Variants in CORO1C observed in about 807,000 individuals in gnomAD.
The protein encoded by CORO1C is coronin-1C.
CORO1C carries 14 observed loss-of-function variants against 51.2 expected under a neutral mutation model. That is an observed-to-expected ratio of 0.27 (90% confidence interval 0.18 to 0.43). CORO1C has a LOEUF of 0.43. Among genes scored for constraint, CORO1C ranks in the 20% least tolerant of loss-of-function variants. The probability of loss-of-function intolerance (pLI) is 1.00; values close to 1 mark genes in which losing one functional copy is unlikely to be tolerated. For synonymous variants in CORO1C, 181 were observed against 210.5 expected, an observed-to-expected ratio of 0.86 and a Z score of 1.21; for missense variants, 417 against 607.8, an observed-to-expected ratio of 0.69 and a Z score of 3.30.
chr12:108,693,868 C>T (rs553568010), intron 2 of CORO1C, among the ~76,000 whole-genome samples: 4 of 152,250 alleles, frequency 2.6e-5, no homozygotes, highest in Admixed American at 6.5e-5. Flanking sequence ...GAATTCAAAC[C>T]GAACCTTCTC....
intron 2 of CORO1C, among the ~76,000 whole-genome samples, chr12:108,679,170 T>TAAA (rs35452794): frequency 1.9e-5 from 2 of 106,738 alleles, no homozygotes; most frequent in Non-Finnish European, 3.7e-5. Flanking sequence ...TTTAAAAAGT[T>TAAA]AAAAAAAAAA....
chr12:108,669,622 T>C (rs2033635354), intron 3 of CORO1C, among the ~76,000 whole-genome samples: 2 of 133,154 alleles, frequency 1.5e-5, no homozygotes, highest in East Asian at 4.5e-4. Flanking sequence ...TTGTAGCTCA[T>C]GAGCTACTAC....
chr12:108,722,535 C>A (rs2035496277), intron 1 of CORO1C, among the ~76,000 whole-genome samples: 1 of 152,194 alleles, frequency 6.6e-6, no homozygotes, highest in South Asian at 2.1e-4. Context: ...ATTCCACTAT[C>A]ACCATAAACA....
chr12:108,721,771 C>T (rs951545320), intron 1 of CORO1C, among the ~76,000 whole-genome samples: 6 of 150,168 alleles, frequency 4.0e-5, no homozygotes, highest in African/African-American at 1.5e-4. Context: ...GAAAAATAGA[C>T]AGGACGAGTG....
rs2032384583 is a variant in CORO1C, at chr12:108,646,925, C to T, written c.*478G>A. ...CTTTCAAATTAAGGAAAAAAAACCA[C>T]ACACACAAATACTGCAAAGTAGCAA... is the stretch of plus-strand genomic sequence containing the variant. On this transcript the variant is annotated 3_prime_UTR_variant, in exon 11 of 11. Transcript: ENST00000261401. 6.5e-6 allele frequency: 1 copy of T among 152,680 alleles called. No homozygotes were observed. The highest frequency in any genetic ancestry group is 2.4e-5 in the African/African-American group (1 of 41,366). 9.5% of individuals were successfully genotyped at this position (152,680 alleles called of 1,614,324 possible).
At chr12:108,691,010 T>C (rs141288767) in intron 2 of CORO1C, among the ~76,000 whole-genome samples, 74 of 152,238 alleles carry the variant, frequency 4.9e-4, no homozygotes, top group African/African-American at 1.6e-3. Flanking sequence ...CAGCTCTGCA[T>C]TGGTTTAATC....
intron 1 of CORO1C, among the ~76,000 whole-genome samples, chr12:108,720,673 G>A (rs533129901): frequency 3.3e-5 from 5 of 151,864 alleles, no homozygotes; most frequent in African/African-American, 4.8e-5. Context: ...ACAGGCGCCC[G>A]CCACCACGCC....
rs56204306 is a variant in CORO1C at position 108,728,767 on chromosome 12, T to C, written c.-6+2662A>G. On this transcript the variant is annotated intron_variant, in intron 1 of 10. Coordinates refer to ENST00000261401, the MANE Select transcript of CORO1C (RefSeq NM_014325.4). ...ACTTAACATTCTAGGTACTAGGTCA[T>C]ACTGAAATATTCATGAAGAATTCTG... Among the ~76,000 whole-genome samples the C allele has an allele frequency of 2.9e-3, 437 of 152,322 alleles. 4 individuals are homozygous for C. Among genetic ancestry groups the C allele is most frequent in the South Asian group, 7.2e-3 (35 of 4,828 alleles).
intron 3 of CORO1C, among the ~76,000 whole-genome samples, chr12:108,669,387 T>A (rs1408406901): frequency 6.6e-6 from 1 of 152,198 alleles, no homozygotes; most frequent in Non-Finnish European, 1.5e-5. Flanking sequence ...ACTATAGGTA[T>A]CCATCAAAAT....
chr12:108,650,180 CTTTTTTTTTTTTTTTT>C (rs1057367204), intron 8 of CORO1C, among the ~76,000 whole-genome samples: 25 of 80,446 alleles, frequency 3.1e-4, no homozygotes, highest in African/African-American at 1.2e-3. Flanking sequence ...AACCAAAAAC[CTTTTTTTTTTTTTTTT>C]TTTTTTTTTT....
intron 9 of CORO1C, 50 bp downstream of exon 9, chr12:108,648,913 A>G (rs1263651229): frequency 3.1e-6 from 5 of 1,610,786 alleles, no homozygotes; most frequent in Non-Finnish European, 4.2e-6. Context: ...TTTGAATTTT[A>G]TTTTTACATT....
At position 108,689,056 on chromosome 12, in the gene CORO1C, C is replaced by T. The variant is rs185396759; in HGVS notation, c.196-10662G>A. Among the ~76,000 whole-genome samples, 339 of 148,814 alleles carry T rather than the reference C, an allele frequency of 2.3e-3. 2 individuals are homozygous for T. The highest frequency in any genetic ancestry group is 8.1e-3 in the African/African-American group (325 of 40,234). On this transcript the variant is annotated intron_variant, in intron 2 of 10. Coordinates refer to ENST00000261401, the MANE Select transcript of CORO1C (RefSeq NM_014325.4). ...AGAAAAAAAAAAAAAAAAAATTAGC[C>T]GGGCATGGTGTTGGGCACCTGTAAT...
At chr12:108,724,847 C>G (rs1458943872) in intron 1 of CORO1C, among the ~76,000 whole-genome samples, 1 of 152,128 alleles carries the variant, frequency 6.6e-6, no homozygotes, top group African/African-American at 2.4e-5. Context: ...ATTACTGCAG[C>G]AAACGGGAGG....
chr12:108,682,185 T>C (rs1370602619), intron 2 of CORO1C, among the ~76,000 whole-genome samples: 1 of 151,370 alleles, frequency 6.6e-6, no homozygotes, highest in Non-Finnish European at 1.5e-5. Context: ...ACAAATTTTT[T>C]AAGAAAAAAA....
intron 1 of CORO1C, among the ~76,000 whole-genome samples, chr12:108,727,791 C>G (rs1047506519): frequency 3.3e-5 from 5 of 152,042 alleles, no homozygotes; most frequent in Non-Finnish European, 7.4e-5. Context: ...GGGGCACCAT[C>G]AAGAAAATGA....
chr12:108,676,374 A>AT (rs1267079864), intron 3 of CORO1C, among the ~76,000 whole-genome samples: 2 of 152,004 alleles, frequency 1.3e-5, no homozygotes, highest in Non-Finnish European at 2.9e-5. Flanking sequence ...AATACACACT[A>AT]TTTTTTTTAA....
intron 4 of CORO1C, among the ~76,000 whole-genome samples, chr12:108,660,993 G>A (rs2033238033): frequency 6.6e-6 from 1 of 152,114 alleles, no homozygotes; most frequent in Admixed American, 6.5e-5. Flanking sequence ...TGAGGGGAAA[G>A]ACCTTTAAAA....
At chr12:108,677,465 A>C (rs1326804832) in intron 3 of CORO1C, among the ~76,000 whole-genome samples, 1 of 152,246 alleles carries the variant, frequency 6.6e-6, no homozygotes, top group Non-Finnish European at 1.5e-5. Context: ...ACCAGGGTCC[A>C]CTGGACAGAA....
intron 6 of CORO1C, among the ~76,000 whole-genome samples, chr12:108,655,777 A>T (rs925484999): frequency 1.3e-5 from 2 of 152,186 alleles, no homozygotes; most frequent in Middle Eastern, 3.2e-3. Flanking sequence ...AAGTGCCCAG[A>T]TTGCAGCCTC....
Sources: gnomAD v4.1 joint callset for allele counts (sites outside exome capture counted in the v4.1 genomes callset) on GRCh38, gnomAD v4.1.1 for gene constraint, MANE v1.5 for transcripts, NCBI Gene and HGNC (gene_info 2026-07-23, HGNC 2026-07-21) for gene names.